The following HECTD2 variants were observed in gnomAD, a reference collection of about 807,000 sequenced individuals.
HECTD2 encodes HECT domain E3 ubiquitin protein ligase 2.
In HECTD2, 35 loss-of-function variants were observed where a neutral mutation model predicts 103.2. That is an observed-to-expected ratio of 0.34 (90% CI 0.26 to 0.45). The LOEUF is 0.45. Among genes scored for constraint, HECTD2 ranks in the 20% least tolerant of loss-of-function variants. The pLI, the probability that HECTD2 is intolerant of heterozygous loss-of-function variation, is 1.00. For synonymous variants in HECTD2, 281 were observed against 329.9 expected (o/e 0.85, Z 1.61); for missense variants, 596 against 937.4 (o/e 0.64, Z 4.76).
At chr10:91,502,255 G>C (rs1052731891) in intron 20 of HECTD2, among the ~76,000 whole-genome samples, 1 of 152,112 alleles carries the variant, frequency 6.6e-6, no homozygotes, top group Admixed American at 6.5e-5. Flanking sequence ...TAGTCAACAG[G>C]CTGTTTGCTG....
intron 13 of HECTD2, among the ~76,000 whole-genome samples, chr10:91,492,829 A>G (rs745888263): frequency 1.7e-4 from 26 of 152,220 alleles, no homozygotes; most frequent in Admixed American, 2.6e-4. Context: ...AGTTTGCTCT[A>G]TAGTAACATT....
chr10:91,453,097 A>G (rs78608093), intron 2 of HECTD2, among the ~76,000 whole-genome samples: 3 of 152,258 alleles, frequency 2.0e-5, no homozygotes, highest in South Asian at 2.1e-4. Context: ...AACAAAAATT[A>G]TAACACCAGC....
At chr10:91,425,110 T>C (rs1589463338) in intron 1 of HECTD2, among the ~76,000 whole-genome samples, 171 bp from the exon 2 acceptor site, 1 of 152,220 alleles carries the variant, frequency 6.6e-6, no homozygotes, top group East Asian at 1.9e-4. Flanking sequence ...AAGGCTGTTT[T>C]ATATGTGAGA....
rs1446973723 is a variant in HECTD2 at position 91,500,596 on chromosome 10, C to T, written c.2045C>T (p.Ala682Val). ...AGAAGTACTCAGTATGATGGCTATG[C>T]AAAAACGGACTTAACTATAAAGTGA... Reference protein sequence around the residue: ...LQRSTQYDGYAKTDLTIKYFW... With the variant: ...LQRSTQYDGYVKTDLTIKYFW... The change falls in exon 19 of 21, where the codon GCA (alanine) becomes GTA (valine). Residue 682 changes from alanine (A) to valine (V), a missense_variant. Ala to Val is a moderately conservative substitution (Grantham distance 64). Coordinates refer to ENST00000298068, the MANE Select transcript of HECTD2 (RefSeq NM_182765.6). 1 of 1,592,582 alleles carries T rather than the reference C, an allele frequency of 6.3e-7. No individual in the cohort carries two copies. The highest frequency in any genetic ancestry group is 1.1e-5 in the South Asian group (1 of 90,538).
chr10:91,467,997 A>T (rs1589516587), intron 5 of HECTD2, among the ~76,000 whole-genome samples: 1 of 152,228 alleles, frequency 6.6e-6, no homozygotes, highest in East Asian at 1.9e-4. Context: ...GCTCAAGAGC[A>T]TGGAGCAATG....
intron 11 of HECTD2, 39 bp from the exon 12 acceptor site, chr10:91,491,160 CT>C: frequency 1.0e-6 from 1 of 973,786 alleles, no homozygotes; most frequent in Non-Finnish European, 1.6e-6. Context: ...AAATTATAGT[CT>C]AAGTAAAAGC....
intron 1 of HECTD2, among the ~76,000 whole-genome samples, chr10:91,414,892 T>TC (rs374321702): frequency 6.6e-6 from 1 of 152,024 alleles, no homozygotes; most frequent in African/African-American, 2.4e-5. Flanking sequence ...AGTTTTTTTT[T>TC]CCCCCTGCGG....
chr10:91,497,325 C>T (rs1479681357), intron 15 of HECTD2, among the ~76,000 whole-genome samples: 1 of 140,262 alleles, frequency 7.1e-6, no homozygotes, highest in Non-Finnish European at 1.5e-5. Context: ...CAGTCTTGCT[C>T]TGTTGTCCAG....
chr10:91,504,132 A>T (rs1847038795), intron 20 of HECTD2, among the ~76,000 whole-genome samples: 1 of 152,062 alleles, frequency 6.6e-6, no homozygotes, highest in Non-Finnish European at 1.5e-5. Flanking sequence ...TCTGTACATC[A>T]CCATCATCAA....
At chr10:91,498,412 A>G (rs1481167360) in intron 16 of HECTD2, among the ~76,000 whole-genome samples, 2 of 152,198 alleles carry the variant, frequency 1.3e-5, no homozygotes, top group Non-Finnish European at 2.9e-5. Flanking sequence ...AGGCAATTAC[A>G]TATCCCCTTG....
intron 2 of HECTD2, among the ~76,000 whole-genome samples, chr10:91,428,188 G>T (rs1431505225): frequency 6.6e-6 from 1 of 151,500 alleles, no homozygotes; most frequent in Admixed American, 6.6e-5. Context: ...GATAGTTGTA[G>T]ATATGTGGCG....
chr10:91,460,380 A>C (rs569296139), intron 2 of HECTD2, 47 bp from the exon 3 acceptor site: 125 of 1,424,112 alleles, frequency 8.8e-5, no homozygotes, highest in Middle Eastern at 1.8e-4. Context: ...TATAATTTTG[A>C]AAAGTTTAAT....
chr10:91,431,254 T>C (rs1318631194), intron 2 of HECTD2, among the ~76,000 whole-genome samples: 1 of 151,978 alleles, frequency 6.6e-6, no homozygotes, highest in Non-Finnish European at 1.5e-5. Context: ...GATCTGCTGT[T>C]AGTCTGATGG....
chr10:91,410,409 C>T lies in HECTD2; in HGVS notation c.-30C>T, dbSNP rs1324031191. 1.3e-4 allele frequency: 182 copies of T among 1,352,614 alleles called. 2 individuals are homozygous for T. Among genetic ancestry groups the T allele is most frequent in the Admixed American group, 2.5e-4 (7 of 27,854 alleles). The allele number at this position is 1,352,614 out of a possible 1,614,324, so 83.8% of individuals were successfully genotyped here. ...CCCAGCAACACTGAGGCCGCCGCCG[C>T]CGCCTGGCGCTCCCGCCGCCCGGCC... On this transcript the variant is annotated 5_prime_UTR_variant, in exon 1 of 21. Coordinates refer to ENST00000298068, the MANE Select transcript of HECTD2 (RefSeq NM_182765.6).
rs114135463 is a variant in HECTD2 at position 91,500,725 on chromosome 10, A to G, written c.2066+108A>G. The stretch of plus-strand genomic sequence containing the variant: ...ATCTTTGAATCAATTAAGTTAGTCA[A>G]AATATTAGAGAGTCCCACAGTCTTA... On this transcript the variant is annotated intron_variant, in intron 19 of 20. Coordinates refer to ENST00000298068, the MANE Select transcript of HECTD2 (RefSeq NM_182765.6). The G allele has an allele frequency of 5.0e-3, 2,937 of 581,864 alleles. 64 individuals are homozygous for G. The highest frequency in any genetic ancestry group is 0.049 in the African/African-American group (2,608 of 53,418). The allele number at this position is 581,864 out of a possible 1,614,324, so 36.0% of individuals were successfully genotyped here.
chr10:91,456,441 T>C (rs1845097172), intron 2 of HECTD2, among the ~76,000 whole-genome samples: 1 of 152,236 alleles, frequency 6.6e-6, no homozygotes, highest in African/African-American at 2.4e-5. Flanking sequence ...CCTGAGACTT[T>C]GCTGAAGTTG....
chr10:91,492,901 G>GA (rs1213490135), intron 13 of HECTD2, among the ~76,000 whole-genome samples: 5 of 151,744 alleles, frequency 3.3e-5, no homozygotes, highest in Non-Finnish European at 2.9e-5. Flanking sequence ...AATTTTTTAA[G>GA]AAAAAATAAG....
At chr10:91,417,763 CATT>C (rs1843191548) in intron 1 of HECTD2, among the ~76,000 whole-genome samples, 1 of 151,636 alleles carries the variant, frequency 6.6e-6, no homozygotes, top group South Asian at 2.1e-4. Flanking sequence ...TCCAGTCTAT[CATT>C]GTTGGACATT....
chr10:91,470,257 A>ATACACATTCTTCTGAACTGTACAT (rs1845677581), intron 5 of HECTD2, among the ~76,000 whole-genome samples: 1 of 152,234 alleles, frequency 6.6e-6, no homozygotes, highest in Non-Finnish European at 1.5e-5. Context: ...AAACAACAGA[A>ATACACATTCTTCTGAACTGTACAT]TACACATTCT....
Sources: allele counts gnomAD v4.1 joint callset (sites outside exome capture counted in the v4.1 genomes callset), GRCh38; gene constraint gnomAD v4.1.1; transcripts MANE v1.5; gene names NCBI Gene and HGNC (gene_info 2026-07-23, HGNC 2026-07-21).